Variants in PHACTR2 observed in about 807,000 individuals in gnomAD.
The protein encoded by PHACTR2 is phosphatase and actin regulator 2.
PHACTR2 carries 30 observed loss-of-function variants against 76.0 expected under a neutral mutation model. That is an observed-to-expected ratio of 0.39 (90% CI 0.30 to 0.54). PHACTR2 has a LOEUF of 0.54. PHACTR2 is among the 20% of genes least tolerant of loss of function. The probability of loss-of-function intolerance (pLI) is 0.61; values close to 1 mark genes in which losing one functional copy is unlikely to be tolerated. For missense variants in PHACTR2, 696 were observed against 781.1 expected, an observed-to-expected ratio of 0.89 and a Z score of 1.30; for synonymous variants, 292 against 292.5, an observed-to-expected ratio of 1.00 and a Z score of 0.02.
At chr6:143,607,894 T>G (rs1775904253), upstream of PHACTR2, among the ~76,000 whole-genome samples, 1 of 152,210 alleles carries the variant, frequency 6.6e-6, no homozygotes, top group Non-Finnish European at 1.5e-5. Flanking sequence ...AATATTCCTT[T>G]TTACCTTTTC....
intron 1 of PHACTR2, among the ~76,000 whole-genome samples, chr6:143,567,326 T>C (rs1775377366): frequency 6.6e-6 from 1 of 152,196 alleles, no homozygotes; most frequent in Non-Finnish European, 1.5e-5. Context: ...AGACACTTTC[T>C]CCTATAGTTT....
chr6:143,602,444 A>G lies in PHACTR2; in HGVS notation c.217+65237A>G, dbSNP rs995136351. Among the ~76,000 whole-genome samples the G allele has an allele frequency of 2.0e-5, 3 of 152,168 alleles. No individual in the cohort carries two copies. The highest frequency in any genetic ancestry group is 4.4e-5 in the Non-Finnish European group (3 of 68,024). ...GAGCCAGGACTCTCCATTCAAGCAGAGCCTGGCTCTGATTGCTCCTTTCTC... is the reference window on the plus strand; with the variant it reads ...GAGCCAGGACTCTCCATTCAAGCAGGGCCTGGCTCTGATTGCTCCTTTCTC... On this transcript the variant is annotated intron_variant, in intron 1 of 11. Transcript: ENST00000367584. This position sits in a 1 kb window ranked among gnomAD's most constrained non-coding sequence, Gnocchi z 6.1.
Position 143,789,545 on chromosome 6 carries a change from G to C in PHACTR2, c.1845+635G>C, listed in dbSNP as rs189231455. On this transcript the variant is annotated intron_variant, in intron 11 of 12. Transcript: ENST00000440869. This position sits in a 1 kb window ranked among gnomAD's most constrained non-coding sequence, Gnocchi z 5.1. ...ACAGTGGGTTCTATCAATGTAGAAA[G>C]ACTTTTACCTTATTAGTACCATTGT... Among the ~76,000 whole-genome samples the C allele has an allele frequency of 1.3e-3, 204 of 152,306 alleles. No individual in the cohort carries two copies. The highest frequency in any genetic ancestry group is 4.7e-3 in the African/African-American group (195 of 41,570).
rs534841455 is a variant in PHACTR2, at chr6:143,583,108, C to A, written c.217+45901C>A. On this transcript the variant is annotated intron_variant, in intron 1 of 11. Transcript: ENST00000367584. The surrounding 1 kb of genome is among the most constrained non-coding windows in gnomAD (Gnocchi z 4.0). ...TTTAGAATTTAGTTAAATTTCTATT[C>A]TTGTCTTTGAATATAATGATGGGGC... is the stretch of plus-strand genomic sequence containing the variant. Among the ~76,000 whole-genome samples, 10 of 152,218 alleles carry A rather than the reference C, an allele frequency of 6.6e-5. No homozygotes were observed. The highest frequency in any genetic ancestry group is 3.9e-4 in the Admixed American group (6 of 15,290).
chr6:143,685,688 GAA>G (rs145706092), intron 1 of PHACTR2, among the ~76,000 whole-genome samples: 62 of 78,292 alleles, frequency 7.9e-4, no homozygotes, highest in African/African-American at 1.6e-3. Context: ...GCAATTAAAT[GAA>G]AAAAAAAAAA....
At chr6:143,705,296 T>A (rs1281634629) in intron 1 of PHACTR2, among the ~76,000 whole-genome samples, 1 of 139,258 alleles carries the variant, frequency 7.2e-6, no homozygotes, top group African/African-American at 2.9e-5. Flanking sequence ...TTTTTGCATT[T>A]TTTTTTTTTT....
rs914918335 is a variant in PHACTR2, at chr6:143,688,630, A to G, written c.46+10421A>G. ...GCCCAAGATCTAGGAGTTATTCTTA[A>G]GTTTTCCTTTCCCCCTCCATATGGA... On this transcript the variant is annotated intron_variant, in intron 1 of 12. Transcript: ENST00000440869. This position sits in a 1 kb window ranked among gnomAD's most constrained non-coding sequence, Gnocchi z 5.2. Among the ~76,000 whole-genome samples, 8 of 152,110 alleles carry G rather than the reference A, an allele frequency of 5.3e-5. No individual in the cohort carries two copies. The highest frequency in any genetic ancestry group is 5.2e-4 in the Admixed American group (8 of 15,284).
intron 1 of PHACTR2, among the ~76,000 whole-genome samples, chr6:143,601,432 G>A (rs1340540961): frequency 1.3e-5 from 2 of 152,188 alleles, no homozygotes; most frequent in Non-Finnish European, 2.9e-5. Flanking sequence ...TCAGAGGGCT[G>A]CTTGCAGGTT....
chr6:143,682,441 G>C (rs9496728), intron 1 of PHACTR2, among the ~76,000 whole-genome samples: 81,358 of 151,870 alleles, frequency 0.54, 22,355 homozygotes, highest in African/African-American at 0.68. Flanking sequence ...TCTCAAATTC[G>C]AGATCTCAAG....
intron 2 of PHACTR2, among the ~76,000 whole-genome samples, chr6:143,721,790 A>G (rs1778450239): frequency 6.6e-6 from 1 of 152,064 alleles, no homozygotes; most frequent in Admixed American, 6.6e-5. Context: ...TAGATTGTCT[A>G]GGTCACTCAG....
Position 143,767,476 on chromosome 6 carries a change from A to C in PHACTR2, c.1232+1678A>C, listed in dbSNP as rs1244501704. Among the ~76,000 whole-genome samples, 1 of 152,220 alleles carries C rather than the reference A, an allele frequency of 6.6e-6. No homozygotes were observed. Among genetic ancestry groups the C allele is most frequent in the African/African-American group, 2.4e-5 (1 of 41,456 alleles). ...TTTTCTTTGTTTGACATTTTAATAAAAGATATGGGAAAAGAAGATTTATTG... is the reference window on the plus strand; with the variant it reads ...TTTTCTTTGTTTGACATTTTAATAACAGATATGGGAAAAGAAGATTTATTG... On this transcript the variant is annotated intron_variant, in intron 6 of 12. Coordinates refer to ENST00000440869, the MANE Select transcript of PHACTR2 (RefSeq NM_001100164.2). The surrounding 1 kb of genome is among the most constrained non-coding windows in gnomAD (Gnocchi z 4.4).
In PHACTR2 at chr6:143,619,823, G is replaced by T. The variant is rs1461241722; in HGVS notation, c.13+11501G>T. Among the ~76,000 whole-genome samples, 1 of 152,168 alleles carries T rather than the reference G, an allele frequency of 6.6e-6. No homozygotes were observed. The highest frequency in any genetic ancestry group is 1.5e-5 in the Non-Finnish European group (1 of 68,036). On this transcript the variant is annotated intron_variant, in intron 1 of 11. Transcript: ENST00000305766. The surrounding 1 kb of genome is among the most constrained non-coding windows in gnomAD (Gnocchi z 4.5). ...AAGGGGATAAAAGGAAATATAGCCA[G>T]TCCCAAACTTTGACAGCGGTCAGTA...
rs1781195074 is a variant in PHACTR2, at chr6:143,543,810, T to G, written c.217+6603T>G. Among the ~76,000 whole-genome samples, 1 of 152,176 alleles carries G rather than the reference T, an allele frequency of 6.6e-6. No individual in the cohort carries two copies. Among genetic ancestry groups the G allele is most frequent in the African/African-American group, 2.4e-5 (1 of 41,432 alleles). ...TGCCTTTTTCCTGGGAGACACAATT[T>G]AGGCATTTGCAAGTTTGATATGGAT... On this transcript the variant is annotated intron_variant, in intron 1 of 11. Transcript: ENST00000367584. The surrounding 1 kb of genome is among the most constrained non-coding windows in gnomAD (Gnocchi z 4.7).
chr6:143,632,232 G>C (rs984084313), intron 1 of PHACTR2, among the ~76,000 whole-genome samples: 1 of 152,148 alleles, frequency 6.6e-6, no homozygotes, highest in Non-Finnish European at 1.5e-5. Flanking sequence ...GAAGGCTGCT[G>C]CTTTGAGGTC....
chr6:143,683,566 A>G lies in PHACTR2; in HGVS notation c.46+5357A>G, dbSNP rs145512581. ...TTAAGAGACAAGAGAACAAGTAAAT[A>G]AAGTGTGCAGGATCACACCTATGTT... On this transcript the variant is annotated intron_variant, in intron 1 of 12. Coordinates refer to ENST00000440869, the MANE Select transcript of PHACTR2 (RefSeq NM_001100164.2). The surrounding 1 kb of genome is among the most constrained non-coding windows in gnomAD (Gnocchi z 4.1). 8.5e-4 allele frequency among the ~76,000 whole-genome samples: 130 copies of G among 152,340 alleles called. No homozygotes were observed. Among genetic ancestry groups the G allele is most frequent in the Non-Finnish European group, 1.6e-3 (106 of 68,024 alleles).
chr6:143,563,182 A>G (rs1775306043), intron 1 of PHACTR2, among the ~76,000 whole-genome samples: 1 of 152,204 alleles, frequency 6.6e-6, no homozygotes, highest in Admixed American at 6.5e-5. Flanking sequence ...AACTGAAAAA[A>G]TTAGCAGTAA....
intron 11 of PHACTR2, among the ~76,000 whole-genome samples, chr6:143,805,909 G>A (rs1188772546): frequency 6.6e-6 from 1 of 152,040 alleles, no homozygotes; most frequent in Non-Finnish European, 1.5e-5. Context: ...CAGGCCTCAG[G>A]GCTTTTTTTC....
At chr6:143,719,072 A>G (rs1002443880) in intron 2 of PHACTR2, among the ~76,000 whole-genome samples, 2 of 151,744 alleles carry the variant, frequency 1.3e-5, no homozygotes, top group Non-Finnish European at 2.9e-5. Context: ...TAATAGAGAC[A>G]GGGTTTCACC....
intron 2 of PHACTR2, among the ~76,000 whole-genome samples, chr6:143,736,209 C>G (rs1018449251): frequency 3.9e-5 from 6 of 152,134 alleles, no homozygotes; most frequent in Non-Finnish European, 5.9e-5. Context: ...GCCTGTGATA[C>G]TATTTTAAAT....
Sources: gnomAD v4.1 joint callset for allele counts (sites outside exome capture counted in the v4.1 genomes callset) on GRCh38, gnomAD v4.1.1 for gene constraint, Gnocchi (gnomAD v3.1) non-coding constraint, MANE v1.5 for transcripts, NCBI Gene and HGNC (gene_info 2026-07-23, HGNC 2026-07-21) for gene names.